SMIM36: variants seen among roughly 807,000 people sequenced by gnomAD.
SMIM36 encodes small integral membrane protein 36.
At chr17:55,493,061 A>G (rs1230604452) in intron 1 of SMIM36, among the ~76,000 whole-genome samples, 1 of 152,194 alleles carries the variant, frequency 6.6e-6, no homozygotes, top group Non-Finnish European at 1.5e-5. Flanking sequence ...GCATTCTGTG[A>G]AAGGAAAGGC....
the SMIM36 span, among the ~76,000 whole-genome samples, chr17:55,520,906 G>A: frequency 6.6e-6 from 1 of 152,122 alleles, no homozygotes; most frequent in Non-Finnish European, 1.5e-5. Flanking sequence ...CAAGGCGGGT[G>A]GATAACCTGA....
chr17:55,452,203 T>C lies in SMIM36; in HGVS notation c.*532-1905A>G, dbSNP rs189783901. ...CCCAAGTGTATTTGGCCATACATCC[T>C]ATTGTTCAGGAGTTTGTGTAAATGT... On this transcript the variant is annotated intron_variant, in intron 4 of 4. Coordinates refer to ENST00000636752, the Ensembl canonical transcript of SMIM36. Among the ~76,000 whole-genome samples, 3 of 151,998 alleles carry C rather than the reference T, an allele frequency of 2.0e-5. No individual in the cohort carries two copies. The East Asian group carries it at 5.8e-4, about 29-fold the overall frequency.
At chr17:55,473,966 G>A (rs1909383675) in intron 3 of SMIM36, among the ~76,000 whole-genome samples, 1 of 152,132 alleles carries the variant, frequency 6.6e-6, no homozygotes, top group African/African-American at 2.4e-5. Context: ...CATGAGAAGA[G>A]CACTGTGAAG....
the SMIM36 span, among the ~76,000 whole-genome samples, chr17:55,529,202 A>G: frequency 1.3e-5 from 2 of 152,250 alleles, no homozygotes; most frequent in Admixed American, 1.3e-4. Context: ...GCTGCAGTAT[A>G]AAAGAGATAT....
intron 1 of SMIM36, among the ~76,000 whole-genome samples, chr17:55,496,608 C>T (rs1008199809): frequency 7.2e-5 from 11 of 152,284 alleles, no homozygotes; most frequent in Admixed American, 3.3e-4. Flanking sequence ...GGGAAGATGA[C>T]GTAATGAGAA....
At chr17:55,478,114 T>C (rs556932505) in intron 3 of SMIM36, among the ~76,000 whole-genome samples, 8 of 152,052 alleles carry the variant, frequency 5.3e-5, no homozygotes, top group African/African-American at 1.2e-4. Context: ...ATCTCAGAGG[T>C]TGAGGTTGCA....
intron 3 of SMIM36, among the ~76,000 whole-genome samples, chr17:55,475,558 A>C (rs530807143): frequency 6.6e-6 from 1 of 152,172 alleles, no homozygotes; most frequent in Non-Finnish European, 1.5e-5. Flanking sequence ...CTCACTGCTG[A>C]AGAAAGAGGA....
At chr17:55,526,041 G>A in the SMIM36 span, among the ~76,000 whole-genome samples, 2 of 152,154 alleles carry the variant, frequency 1.3e-5, no homozygotes, top group African/African-American at 2.4e-5. Flanking sequence ...GGCCAACAAG[G>A]CCATTCTAAT....
At chr17:55,527,273 C>G in the SMIM36 span, 1 of 152,142 alleles carries the variant, frequency 6.6e-6, no homozygotes, top group East Asian at 1.9e-4. Flanking sequence ...GCTGCCACAG[C>G]CAGAAACAAT....
intron 4 of SMIM36, among the ~76,000 whole-genome samples, chr17:55,466,212 G>A (rs143260402): frequency 3.4e-5 from 5 of 147,432 alleles, no homozygotes; most frequent in African/African-American, 1.3e-4. Flanking sequence ...GGGAGGCAGA[G>A]GTTGCAGTGA....
intron 1 of SMIM36, among the ~76,000 whole-genome samples, chr17:55,497,296 C>T (rs1363384234): frequency 6.6e-6 from 1 of 152,010 alleles, no homozygotes; most frequent in East Asian, 1.9e-4. Flanking sequence ...CAGAGTCTCG[C>T]TCTTGTTGCC....
intron 3 of SMIM36, among the ~76,000 whole-genome samples, chr17:55,472,458 C>T (rs1031246465): frequency 2.0e-5 from 3 of 152,232 alleles, no homozygotes; most frequent in African/African-American, 7.2e-5. Context: ...TCACACAAGG[C>T]TCTTCCAGTA....
intron 4 of SMIM36, among the ~76,000 whole-genome samples, chr17:55,451,927 T>C (rs1208103396): frequency 6.6e-6 from 1 of 151,824 alleles, no homozygotes; most frequent in East Asian, 1.9e-4. Context: ...TGAGACCTTG[T>C]CGCCACAAAA....
At chr17:55,460,258 T>C (rs1331636090) in intron 4 of SMIM36, among the ~76,000 whole-genome samples, 1 of 151,208 alleles carries the variant, frequency 6.6e-6, no homozygotes, top group Non-Finnish European at 1.5e-5. Flanking sequence ...TGAAACCCTG[T>C]CTCTACTAAA....
chr17:55,510,550 G>T (rs578004941), intron 1 of SMIM36, among the ~76,000 whole-genome samples: 1 of 152,142 alleles, frequency 6.6e-6, no homozygotes, highest in African/African-American at 2.4e-5. Context: ...CTATGATCAC[G>T]CTGCTGCACT....
At chr17:55,517,480 T>A in the SMIM36 span, among the ~76,000 whole-genome samples, 1 of 152,194 alleles carries the variant, frequency 6.6e-6, no homozygotes, top group Non-Finnish European at 1.5e-5. Context: ...GGAGAATCGC[T>A]GGAACCTGGG....
intron 4 of SMIM36, among the ~76,000 whole-genome samples, chr17:55,451,986 G>A (rs1455450509): frequency 1.3e-5 from 2 of 151,256 alleles, no homozygotes; most frequent in Non-Finnish European, 2.9e-5. Context: ...GGTGCCCTCA[G>A]CAACTTGGGA....
chr17:55,491,247 CA>C (rs1206937453), intron 1 of SMIM36, among the ~76,000 whole-genome samples: 7,429 of 52,964 alleles, frequency 0.14, 127 homozygotes, highest in South Asian at 0.21. Flanking sequence ...GTCTCCTCAC[CA>C]AAAAAAAAAA....
chr17:55,501,428 T>TTATTATATATTATAAAATATAATA (rs1909972057), intron 1 of SMIM36, among the ~76,000 whole-genome samples: 2 of 35,400 alleles, frequency 5.6e-5, no homozygotes, highest in Non-Finnish European at 8.1e-5. Context: ...ATATAATATA[T>TTATTATATATTATAAAATATAATA]TATTATATAT....
Sources: allele counts gnomAD v4.1 joint callset (sites outside exome capture counted in the v4.1 genomes callset), GRCh38; gene constraint gnomAD v4.1.1; transcripts MANE v1.5; gene names NCBI Gene and HGNC (gene_info 2026-07-23, HGNC 2026-07-21).